TGDS: variants seen among roughly 807,000 people sequenced by gnomAD.
The protein encoded by TGDS is UDP-D-glucose 4,6-dehydratase.
A neutral mutation model predicts 52.3 loss-of-function variants in TGDS; 47 were observed. The ratio of observed to expected loss-of-function variants is 0.90; its 90% CI spans 0.71 to 1.15. The LOEUF (loss-of-function observed/expected upper bound fraction) is 1.15, where lower values mean the gene tolerates loss of function less well. Among genes scored for constraint, TGDS ranks in the 50% most tolerant of loss-of-function variants. The probability of loss-of-function intolerance (pLI) is 0.00; values close to 1 mark genes in which losing one functional copy is unlikely to be tolerated. For synonymous variants in TGDS, 115 were observed against 136.9 expected (o/e 0.84, Z 1.12); for missense variants, 375 against 418.4 (o/e 0.90, Z 0.90).
intron 8 of TGDS, among the ~76,000 whole-genome samples, 183 bp from the exon 9 acceptor site, chr13:94,578,353 G>A (rs940691501): frequency 5.3e-5 from 8 of 150,012 alleles, no homozygotes; most frequent in African/African-American, 9.9e-5. Flanking sequence ...CAAACCTTCT[G>A]AGGGGACTCA....
intron 11 of TGDS, among the ~76,000 whole-genome samples, chr13:94,575,285 CTTTTTTTT>C (rs66717082): frequency 8.8e-6 from 1 of 113,190 alleles, no homozygotes; most frequent in Non-Finnish European, 1.8e-5. Context: ...AACTTCCTTG[CTTTTTTTT>C]TTTTTTTTTT....
chr13:94,583,413 T>C (rs952503417), intron 4 of TGDS, among the ~76,000 whole-genome samples, 177 bp from the exon 5 acceptor site: 1 of 152,220 alleles, frequency 6.6e-6, no homozygotes, highest in Non-Finnish European at 1.5e-5. Flanking sequence ...AAACCTAAAT[T>C]ACATAGTACA....
chr13:94,596,123 C>A lies in TGDS; in HGVS notation c.14G>T (p.Cys5Phe). 2 of 1,614,166 alleles carry A rather than the reference C, an allele frequency of 1.2e-6. No homozygotes were observed. The highest frequency in any genetic ancestry group is 1.7e-6 in the Non-Finnish European group (2 of 1,179,994). Residue 5 changes from cysteine to phenylalanine, a missense_variant, in exon 1 of 12, where the codon TGT (cysteine) becomes TTT (phenylalanine). Physicochemically the swap from Cys to Phe is radical, Grantham distance 205. Coordinates refer to ENST00000261296, the MANE Select transcript of TGDS (RefSeq NM_014305.4). MSAA[C>F]WEEPWGLPGG... ...GGGAAGACCCCACGGTTCCTCCCAA[C>A]ACGCCGCCGACATCTCCCAGCTCAG...
upstream of TGDS, chr13:94,596,211 T>C (rs908605876): frequency 1.5e-5 from 23 of 1,490,942 alleles, no homozygotes; most frequent in Non-Finnish European, 2.1e-5. Context: ...CGCGACCTTT[T>C]GCGACGCGCC....
intron 4 of TGDS, among the ~76,000 whole-genome samples, chr13:94,586,336 A>C (rs1431627631): frequency 6.6e-6 from 1 of 152,260 alleles, no homozygotes. Context: ...TCATGAAAAT[A>C]CTAACCAAAA....
In TGDS at chr13:94,577,991, A is replaced by G; in HGVS notation, c.825+14T>C. ...CAATTTTGAAAATACCAACCTTTTA[A>G]AACAGATACATACCAGTTGTATTAG... On this transcript the variant is annotated intron_variant, in intron 9 of 11. Coordinates refer to ENST00000261296, the MANE Select transcript of TGDS (RefSeq NM_014305.4). 1 of 1,608,042 alleles carries G rather than the reference A, an allele frequency of 6.2e-7. No homozygotes were observed. The highest frequency in any genetic ancestry group is 8.5e-7 in the Non-Finnish European group (1 of 1,176,638).
intron 11 of TGDS, among the ~76,000 whole-genome samples, chr13:94,575,448 C>A (rs1888569356): frequency 6.6e-6 from 1 of 151,822 alleles, no homozygotes. Context: ...TGCCACCATG[C>A]CCCGCTGATT....
chr13:94,580,937 G>A (rs1347761265), intron 6 of TGDS, among the ~76,000 whole-genome samples, 154 bp downstream of exon 6: 3 of 151,986 alleles, frequency 2.0e-5, no homozygotes, highest in Non-Finnish European at 2.9e-5. Context: ...TCAGGAGTTC[G>A]AGACCAGCCT....
chr13:94,575,255 A>C (rs886686930), intron 11 of TGDS, among the ~76,000 whole-genome samples: 8 of 149,510 alleles, frequency 5.4e-5, no homozygotes, highest in Non-Finnish European at 1.2e-4. Context: ...ACTGCATGAG[A>C]GGCACAATGA....
At chr13:94,575,875 T>A (rs2139511665) in intron 11 of TGDS, among the ~76,000 whole-genome samples, 1 of 152,214 alleles carries the variant, frequency 6.6e-6, no homozygotes, top group Non-Finnish European at 1.5e-5. Flanking sequence ...TCTGTTGGTT[T>A]CAATATAAAA....
At position 94,577,397 on chromosome 13, in the gene TGDS, T is replaced by G; in HGVS notation, c.858A>C (p.Glu286Asp). The G allele has an allele frequency of 6.3e-7, 1 of 1,576,694 alleles. No homozygotes were observed. Among genetic ancestry groups the G allele is most frequent in the Non-Finnish European group, 8.6e-7 (1 of 1,165,856 alleles). Residue 286 changes from glutamate to aspartate, a missense_variant, in exon 10 of 12, where the codon GAA (glutamate) becomes GAC (aspartate). Physicochemically the swap from Glu to Asp is conservative, Grantham distance 45. Coordinates refer to ENST00000261296, the MANE Select transcript of TGDS (RefSeq NM_014305.4). Reference protein sequence around the residue: ...IKETNSESEMENWVDYVNDRP... With the variant: ...IKETNSESEMDNWVDYVNDRP... ...TATCATTAACATAATCAACCCAATT[T>G]TCCATTTCAGACTCTGAATTGGTCT...
chr13:94,580,396 C>A (rs1053598585), intron 6 of TGDS, among the ~76,000 whole-genome samples: 1 of 152,162 alleles, frequency 6.6e-6, no homozygotes, highest in African/African-American at 2.4e-5. Flanking sequence ...TTTAGGAATT[C>A]CAAGGCTTGC....
In TGDS at chr13:94,578,276, C is replaced by T; in HGVS notation, c.660-106G>A. 2.9e-6 allele frequency: 3 copies of T among 1,040,808 alleles called. No individual in the cohort carries two copies. The South Asian group carries it at 4.8e-5, about 16-fold the overall frequency. The allele number at this position is 1,040,808 out of a possible 1,614,324, so 64.5% of individuals were successfully genotyped here. A position where few individuals can be genotyped will look rare whatever the true frequency, so the allele number is the denominator to read the frequency against. On this transcript the variant is annotated intron_variant, in intron 8 of 11. Transcript: ENST00000261296. ...AGAGAAGCTAATTCCCATGGGGATC[C>T]CAGAATCTTTACTGAAAATACAAAT...
intron 4 of TGDS, among the ~76,000 whole-genome samples, chr13:94,587,380 G>C (rs1889029890): frequency 6.6e-6 from 1 of 152,062 alleles, no homozygotes; most frequent in Admixed American, 6.5e-5. Flanking sequence ...TTGTTTTTTG[G>C]AACAACAGGG....
In TGDS at chr13:94,574,618, TC is replaced by T; in HGVS notation, c.*163del. ...TTAAATTCTATGCCAGTACTGAAACTCTCCCAAAGATTGAGGCATTCTGCAT... is the reference window on the plus strand; with the variant it reads ...TTAAATTCTATGCCAGTACTGAAACTTCCCAAAGATTGAGGCATTCTGCAT... On this transcript the variant is annotated 3_prime_UTR_variant, in exon 12 of 12. Coordinates refer to ENST00000261296, the MANE Select transcript of TGDS (RefSeq NM_014305.4). The T allele has an allele frequency of 1.8e-6, 1 of 546,454 alleles. No individual in the cohort carries two copies. The highest frequency in any genetic ancestry group is 3.2e-6 in the Non-Finnish European group (1 of 309,316). 33.9% of individuals were successfully genotyped at this position (546,454 alleles called of 1,614,324 possible).
chr13:94,594,156 G>C (rs1010948834), intron 1 of TGDS, among the ~76,000 whole-genome samples: 1 of 152,080 alleles, frequency 6.6e-6, no homozygotes, highest in Non-Finnish European at 1.5e-5. Flanking sequence ...ACTGGTTCTG[G>C]GTATAGGGAA....
upstream of TGDS, chr13:94,596,170 G>C: frequency 1.9e-6 from 3 of 1,604,446 alleles, no homozygotes; most frequent in Non-Finnish European, 1.7e-6. Flanking sequence ...ACCGTAAAGA[G>C]TATGGTCTGA....
chr13:94,580,000 A>C, intron 6 of TGDS, 47 bp from the exon 7 acceptor site: 1 of 1,241,618 alleles, frequency 8.1e-7, no homozygotes, highest in Non-Finnish European at 1.1e-6. Context: ...GTCTAATAAT[A>C]ATGATTATTT....
chr13:94,583,000 A>T, intron 5 of TGDS, 94 bp downstream of exon 5: 1 of 1,336,368 alleles, frequency 7.5e-7, no homozygotes, highest in Non-Finnish European at 1.0e-6. Flanking sequence ...ACAAGTGTAT[A>T]TAATTTGAGG....
Sources: allele counts gnomAD v4.1 joint callset (sites outside exome capture counted in the v4.1 genomes callset), GRCh38; gene constraint gnomAD v4.1.1; transcripts MANE v1.5; gene names NCBI Gene and HGNC (gene_info 2026-07-23, HGNC 2026-07-21).